The following MACROD2 variants were observed in gnomAD, a reference collection of about 807,000 sequenced individuals.
MACROD2 encodes ADP-ribose glycohydrolase MACROD2.
In MACROD2, 36 loss-of-function variants were observed where a neutral mutation model predicts 70.4. The ratio of observed to expected loss-of-function variants is 0.51; its 90% CI spans 0.39 to 0.68. The LOEUF (loss-of-function observed/expected upper bound fraction) is 0.68, where lower values mean the gene tolerates loss of function less well. Ranked by LOEUF, MACROD2 falls within the 30% of genes least tolerant of loss-of-function variation. The probability of loss-of-function intolerance (pLI) is 0.00; values close to 1 mark genes in which losing one functional copy is unlikely to be tolerated. For synonymous variants in MACROD2, 172 were observed against 178.8 expected, an observed-to-expected ratio of 0.96 and a Z score of 0.30; for missense variants, 496 against 538.4, an observed-to-expected ratio of 0.92 and a Z score of 0.78.
intron 3 of MACROD2, among the ~76,000 whole-genome samples, chr20:14,291,393 T>A: frequency 6.6e-6 from 1 of 152,164 alleles, no homozygotes; most frequent in South Asian, 2.1e-4. Flanking sequence ...AAAATTTGAG[T>A]ATTTGGACAC....
intron 5 of MACROD2, among the ~76,000 whole-genome samples, chr20:15,107,555 T>G (rs1278668989): frequency 1.3e-5 from 2 of 152,094 alleles, no homozygotes; most frequent in East Asian, 3.8e-4. Context: ...TATCTTTTTT[T>G]TTTTTCAATC....
chr20:15,423,595 G>A (rs1184015270), intron 6 of MACROD2, among the ~76,000 whole-genome samples: 1 of 151,768 alleles, frequency 6.6e-6, no homozygotes, highest in Non-Finnish European at 1.5e-5. Flanking sequence ...TGTGTAGACT[G>A]CTGTCTTCTT....
intron 10 of MACROD2, among the ~76,000 whole-genome samples, chr20:15,907,677 G>C (rs1325720634): frequency 6.6e-6 from 1 of 152,204 alleles, no homozygotes; most frequent in Non-Finnish European, 1.5e-5. Context: ...TGCCGTGAGT[G>C]TGGACAGTCA....
At chr20:15,539,561 G>A (rs2047926071) in intron 8 of MACROD2, among the ~76,000 whole-genome samples, 1 of 152,192 alleles carries the variant, frequency 6.6e-6, no homozygotes, top group East Asian at 1.9e-4. Context: ...AGGTTTGAGT[G>A]GAGATATTTT....
At chr20:14,874,412 A>G (rs1299005709) in intron 5 of MACROD2, among the ~76,000 whole-genome samples, 2 of 150,896 alleles carry the variant, frequency 1.3e-5, no homozygotes, top group Admixed American at 1.3e-4. Flanking sequence ...TGGTAAGAAA[A>G]AAAAAAAAAA....
chr20:15,589,577 C>G (rs1295005145), intron 8 of MACROD2, among the ~76,000 whole-genome samples: 1 of 152,130 alleles, frequency 6.6e-6, no homozygotes, highest in African/African-American at 2.4e-5. Flanking sequence ...AGTCTTGGTG[C>G]TGTACATTCT....
chr20:14,900,429 A>G (rs1169963153), intron 5 of MACROD2, among the ~76,000 whole-genome samples: 1 of 152,130 alleles, frequency 6.6e-6, no homozygotes. Flanking sequence ...AGTAGAAACC[A>G]TTTAGGTCTG....
At chr20:14,353,861 C>T (rs999800741) in intron 3 of MACROD2, among the ~76,000 whole-genome samples, 1 of 151,998 alleles carries the variant, frequency 6.6e-6, no homozygotes, top group African/African-American at 2.4e-5. Context: ...TCTACAAGAC[C>T]ATGATGATTG....
At chr20:15,275,095 TC>T (rs1292140388) in intron 6 of MACROD2, among the ~76,000 whole-genome samples, 4 of 152,130 alleles carry the variant, frequency 2.6e-5, no homozygotes, top group Non-Finnish European at 5.9e-5. Context: ...GGCTAGATGA[TC>T]CCATAGGGAA....
At chr20:14,394,945 A>G (rs542021442) in intron 3 of MACROD2, among the ~76,000 whole-genome samples, 7 of 152,262 alleles carry the variant, frequency 4.6e-5, no homozygotes, top group Non-Finnish European at 1.0e-4. Flanking sequence ...AATAAACTCT[A>G]TTGTGTCAAA....
At chr20:15,451,725 T>A (rs2046646448) in intron 7 of MACROD2, among the ~76,000 whole-genome samples, 1 of 152,130 alleles carries the variant, frequency 6.6e-6, no homozygotes, top group Non-Finnish European at 1.5e-5. Context: ...GACAGCCGAA[T>A]CTTTCAACTC....
intron 4 of MACROD2, among the ~76,000 whole-genome samples, chr20:14,496,741 A>G (rs1307078617): frequency 6.7e-6 from 1 of 148,844 alleles, no homozygotes; most frequent in Non-Finnish European, 1.5e-5. Context: ...CATAGTTTCT[A>G]GATAGGTTGA....
At chr20:14,613,474 G>A (rs1983293200) in intron 4 of MACROD2, among the ~76,000 whole-genome samples, 1 of 152,080 alleles carries the variant, frequency 6.6e-6, no homozygotes, top group Non-Finnish European at 1.5e-5. Context: ...CTTGGGAAGG[G>A]TGGATGAGAG....
At chr20:15,208,001 G>A (rs936998178) in intron 5 of MACROD2, among the ~76,000 whole-genome samples, 2 of 151,924 alleles carry the variant, frequency 1.3e-5, no homozygotes, top group African/African-American at 4.8e-5. Context: ...TACTATTTTA[G>A]CCCCACTTTC....
At chr20:15,707,259 C>A (rs981881506) in intron 8 of MACROD2, among the ~76,000 whole-genome samples, 11 of 152,136 alleles carry the variant, frequency 7.2e-5, no homozygotes, top group Non-Finnish European at 1.0e-4. Context: ...TAGCTCATCA[C>A]CATTTTACCA....
At chr20:15,872,933 C>T (rs781283714) in intron 9 of MACROD2, among the ~76,000 whole-genome samples, 24 of 152,100 alleles carry the variant, frequency 1.6e-4, no homozygotes, top group Non-Finnish European at 2.5e-4. Context: ...TTTTTCACAT[C>T]ATTATGAATT....
At chr20:14,179,344 A>G (rs1569193464) in intron 3 of MACROD2, among the ~76,000 whole-genome samples, 1 of 152,240 alleles carries the variant, frequency 6.6e-6, no homozygotes, top group Non-Finnish European at 1.5e-5. Context: ...TATTGCAACT[A>G]CATAGTGTAA....
intron 3 of MACROD2, among the ~76,000 whole-genome samples, chr20:14,185,414 A>C (rs1601324758): frequency 1.3e-5 from 2 of 152,144 alleles, no homozygotes; most frequent in African/African-American, 4.8e-5. Context: ...AGGCAAACTT[A>C]ATCCCAAATG....
At chr20:14,307,802 C>T (rs1204527349) in intron 3 of MACROD2, among the ~76,000 whole-genome samples, 2 of 151,922 alleles carry the variant, frequency 1.3e-5, no homozygotes, top group Non-Finnish European at 2.9e-5. Flanking sequence ...TATTATTTGC[C>T]TCCTTTTCTA....
Sources: allele counts gnomAD v4.1 joint callset (sites outside exome capture counted in the v4.1 genomes callset), GRCh38; gene constraint gnomAD v4.1.1; transcripts MANE v1.5; gene names NCBI Gene and HGNC (gene_info 2026-07-23, HGNC 2026-07-21).